Variants in FBXL17 observed in about 807,000 individuals in gnomAD.
FBXL17 encodes F-box/LRR-repeat protein 17.
A neutral mutation model predicts 66.2 loss-of-function variants in FBXL17; 22 were observed. That is an observed-to-expected ratio of 0.33 (90% CI 0.24 to 0.47). The LOEUF (loss-of-function observed/expected upper bound fraction) is 0.47. Ranked by LOEUF, FBXL17 falls within the 20% of genes least tolerant of loss-of-function variation. The pLI is 1.00. For synonymous variants in FBXL17, 474 were observed against 400.5 expected (o/e 1.18, Z -2.19); for missense variants, 878 against 948.2 (o/e 0.93, Z 0.97).
intron 7 of FBXL17, among the ~76,000 whole-genome samples, chr5:107,881,405 CA>C (rs1161255535): frequency 6.6e-6 from 1 of 152,196 alleles, no homozygotes; most frequent in Non-Finnish European, 1.5e-5. Flanking sequence ...TCATTGAACA[CA>C]ACCTTTTATC....
chr5:108,048,829 T>C (rs1467190799), intron 6 of FBXL17, among the ~76,000 whole-genome samples: 1 of 152,106 alleles, frequency 6.6e-6, no homozygotes, highest in East Asian at 1.9e-4. Flanking sequence ...AACCTGGGAT[T>C]GACTGGAGTA....
rs1003911614 is a variant in FBXL17, at chr5:108,381,948, A to G, written c.-257T>C. The G allele has an allele frequency of 2.4e-6, 3 of 1,240,034 alleles. No individual in the cohort carries two copies. Among genetic ancestry groups the G allele is most frequent in the African/African-American group, 3.1e-5 (2 of 64,082 alleles). The allele number at this position is 1,240,034 out of a possible 1,614,324, so 76.8% of individuals were successfully genotyped here. A position where few individuals can be genotyped will look rare whatever the true frequency, so the allele number is the denominator to read the frequency against. ...GATGGGCGCGAGCTTTGGGGACGCG[A>G]GGGAGGGAGCGAGCGAGCCTGCCGG... On this transcript the variant is annotated 5_prime_UTR_variant, in exon 1 of 9. Coordinates refer to ENST00000542267, the MANE Select transcript of FBXL17 (RefSeq NM_001163315.3).
At chr5:107,943,837 A>T (rs1314990415) in intron 7 of FBXL17, among the ~76,000 whole-genome samples, 4 of 152,280 alleles carry the variant, frequency 2.6e-5, no homozygotes, top group Non-Finnish European at 5.9e-5. Context: ...TGCCAGGATG[A>T]TTCTGATCAA....
intron 4 of FBXL17, among the ~76,000 whole-genome samples, chr5:108,268,937 A>G (rs1397741339): frequency 6.6e-6 from 1 of 152,122 alleles, no homozygotes; most frequent in Non-Finnish European, 1.5e-5. Context: ...ATGAAGACCC[A>G]AAGACTCAAT....
At chr5:107,918,123 C>G (rs1343944775) in intron 7 of FBXL17, among the ~76,000 whole-genome samples, 1 of 152,202 alleles carries the variant, frequency 6.6e-6, no homozygotes, top group Admixed American at 6.5e-5. Context: ...CCAGGCAGAT[C>G]TACTCACCCT....
chr5:108,329,637 TA>T (rs1760023717), intron 4 of FBXL17, among the ~76,000 whole-genome samples: 1 of 152,152 alleles, frequency 6.6e-6, no homozygotes, highest in Non-Finnish European at 1.5e-5. Flanking sequence ...AATACCTTTA[TA>T]AAAAATTATC....
At chr5:108,327,031 C>G (rs1759889921) in intron 4 of FBXL17, among the ~76,000 whole-genome samples, 1 of 152,160 alleles carries the variant, frequency 6.6e-6, no homozygotes, top group African/African-American at 2.4e-5. Flanking sequence ...TGTATGTTCA[C>G]AGCAGCTTTA....
intron 6 of FBXL17, among the ~76,000 whole-genome samples, chr5:108,068,825 G>A (rs1004049237): frequency 4.6e-5 from 7 of 152,230 alleles, no homozygotes; most frequent in African/African-American, 1.7e-4. Context: ...ACAACCTATA[G>A]TGTGCAATGG....
chr5:108,309,124 T>G (rs1261209397), intron 4 of FBXL17, among the ~76,000 whole-genome samples: 1 of 152,092 alleles, frequency 6.6e-6, no homozygotes, highest in Non-Finnish European at 1.5e-5. Flanking sequence ...TCATATAGAC[T>G]ATGATACATC....
At chr5:108,185,662 A>G (rs1380325789) in intron 6 of FBXL17, among the ~76,000 whole-genome samples, 2 of 152,108 alleles carry the variant, frequency 1.3e-5, no homozygotes, top group Non-Finnish European at 2.9e-5. Flanking sequence ...AATTGTACCT[A>G]GGAAACACTG....
At chr5:108,170,156 TCAA>T (rs996428465) in intron 6 of FBXL17, among the ~76,000 whole-genome samples, 1 of 152,050 alleles carries the variant, frequency 6.6e-6, no homozygotes, top group Non-Finnish European at 1.5e-5. Flanking sequence ...AAAAATTATA[TCAA>T]CACCAAAAAT....
chr5:108,128,856 T>C (rs967061065), intron 6 of FBXL17, among the ~76,000 whole-genome samples: 1 of 152,108 alleles, frequency 6.6e-6, no homozygotes, highest in Non-Finnish European at 1.5e-5. Context: ...AAAGTATATA[T>C]AACTTCAACA....
intron 6 of FBXL17, among the ~76,000 whole-genome samples, chr5:108,097,331 C>G (rs1349116840): frequency 6.6e-6 from 1 of 152,200 alleles, no homozygotes; most frequent in African/African-American, 2.4e-5. Flanking sequence ...CAGGTAGTAT[C>G]TTTCTGGCAT....
intron 4 of FBXL17, among the ~76,000 whole-genome samples, chr5:108,265,875 T>C (rs1248894584): frequency 6.6e-6 from 1 of 152,198 alleles, no homozygotes; most frequent in East Asian, 1.9e-4. Flanking sequence ...AATGCCGGTA[T>C]ACTGCCCATC....
chr5:108,002,010 G>A (rs1245359488), intron 7 of FBXL17, among the ~76,000 whole-genome samples: 2 of 151,740 alleles, frequency 1.3e-5, no homozygotes, highest in Non-Finnish European at 2.9e-5. Flanking sequence ...ATTTCAAATT[G>A]CAAATTTCTC....
At chr5:108,094,422 G>C (rs1395278207) in intron 6 of FBXL17, among the ~76,000 whole-genome samples, 1 of 152,134 alleles carries the variant, frequency 6.6e-6, no homozygotes, top group Non-Finnish European at 1.5e-5. Flanking sequence ...AGCAGGACAA[G>C]TGTTGAACAC....
At chr5:108,168,988 G>C (rs1752510641) in intron 6 of FBXL17, among the ~76,000 whole-genome samples, 1 of 152,168 alleles carries the variant, frequency 6.6e-6, no homozygotes, top group African/African-American at 2.4e-5. Flanking sequence ...AAGTTATTGT[G>C]ACCTTGTCCC....
chr5:108,187,371 C>T (rs568502626), intron 5 of FBXL17, among the ~76,000 whole-genome samples: 14 of 152,254 alleles, frequency 9.2e-5, no homozygotes, highest in African/African-American at 2.9e-4. Flanking sequence ...TAATATGTTA[C>T]CTTATAAGGC....
chr5:107,993,122 C>T (rs1753325394), intron 7 of FBXL17, among the ~76,000 whole-genome samples: 1 of 152,148 alleles, frequency 6.6e-6, no homozygotes, highest in Non-Finnish European at 1.5e-5. Context: ...GTCTCGATCT[C>T]CTGACCTCGT....
Sources: allele counts gnomAD v4.1 joint callset (sites outside exome capture counted in the v4.1 genomes callset), GRCh38; gene constraint gnomAD v4.1.1; transcripts MANE v1.5; gene names NCBI Gene and HGNC (gene_info 2026-07-23, HGNC 2026-07-21).